The following ANO3 variants were observed in gnomAD, a reference collection of about 807,000 sequenced individuals.
ANO3 encodes anoctamin-3.
A neutral mutation model predicts 144.8 loss-of-function variants in ANO3; 99 were observed. The observed-to-expected ratio is 0.68, with a 90% confidence interval of 0.58 to 0.81. The LOEUF (loss-of-function observed/expected upper bound fraction) is 0.81, where lower values mean the gene tolerates loss of function less well. ANO3 is among the 30% of genes least tolerant of loss of function. ANO3 has a pLI of 0.00. For synonymous variants in ANO3, 414 were observed against 392.6 expected (o/e 1.05, Z -0.64); for missense variants, 905 against 1,202.2 (o/e 0.75, Z 3.66).
chr11:26,231,758 C>T (rs984414467), intron 1 of ANO3, among the ~76,000 whole-genome samples: 8 of 152,148 alleles, frequency 5.3e-5, no homozygotes, highest in South Asian at 4.1e-4. Flanking sequence ...GCAAGGAATG[C>T]GTCTACGAAT....
intron 6 of ANO3, among the ~76,000 whole-genome samples, chr11:26,517,820 A>G (rs1861917216): frequency 1.3e-5 from 2 of 152,110 alleles, no homozygotes; most frequent in Non-Finnish European, 2.9e-5. Flanking sequence ...ACAGTATTCA[A>G]CGTAAAATGT....
intron 1 of ANO3, among the ~76,000 whole-genome samples, chr11:26,237,207 T>G (rs1291936845): frequency 3.9e-5 from 6 of 152,190 alleles, no homozygotes; most frequent in Non-Finnish European, 5.9e-5. Context: ...TGCTGTACAC[T>G]GTTAGGATTA....
intron 1 of ANO3, among the ~76,000 whole-genome samples, chr11:26,377,103 A>T (rs1279040464): frequency 1.3e-5 from 2 of 152,176 alleles, no homozygotes; most frequent in Non-Finnish European, 2.9e-5. Context: ...CACTTGAAAG[A>T]AAACAAAAAT....
chr11:26,542,297 A>G (rs1488966698), intron 11 of ANO3, among the ~76,000 whole-genome samples: 1 of 152,106 alleles, frequency 6.6e-6, no homozygotes, highest in Non-Finnish European at 1.5e-5. Context: ...GAGCAACAGC[A>G]AAAAATTACT....
intron 1 of ANO3, among the ~76,000 whole-genome samples, chr11:26,265,193 T>G (rs1853282904): frequency 6.6e-6 from 1 of 152,208 alleles, no homozygotes; most frequent in Non-Finnish European, 1.5e-5. Context: ...AGAACTAACT[T>G]TAGCATCATC....
intron 17 of ANO3, among the ~76,000 whole-genome samples, chr11:26,606,356 C>T (rs1434692574): frequency 6.6e-6 from 1 of 152,006 alleles, no homozygotes; most frequent in Non-Finnish European, 1.5e-5. Context: ...ATTATGTGGT[C>T]AATTTTAGAA....
intron 6 of ANO3, among the ~76,000 whole-genome samples, chr11:26,523,712 T>C (rs1216240949): frequency 6.6e-6 from 1 of 152,228 alleles, no homozygotes; most frequent in African/African-American, 2.4e-5. Context: ...AAAAAGTATT[T>C]ATATTCATTT....
chr11:26,350,497 A>G (rs960310404), intron 1 of ANO3, among the ~76,000 whole-genome samples: 1 of 152,220 alleles, frequency 6.6e-6, no homozygotes, highest in African/African-American at 2.4e-5. Context: ...ACCTGCAACA[A>G]TTTGTTTAAA....
At chr11:26,495,786 A>G (rs753660488) in intron 4 of ANO3, among the ~76,000 whole-genome samples, 4 of 152,230 alleles carry the variant, frequency 2.6e-5, no homozygotes, top group Non-Finnish European at 5.9e-5. Flanking sequence ...CAATACATTT[A>G]TCATCAGATC....
intron 1 of ANO3, among the ~76,000 whole-genome samples, chr11:26,273,104 C>A (rs2133837627): frequency 6.6e-6 from 1 of 152,252 alleles, no homozygotes; most frequent in African/African-American, 2.4e-5. Flanking sequence ...CACCAGCTGC[C>A]AGTCTTTTCG....
intron 18 of ANO3, among the ~76,000 whole-genome samples, chr11:26,625,195 G>A (rs1369228445): frequency 1.3e-5 from 2 of 152,178 alleles, no homozygotes; most frequent in Non-Finnish European, 2.9e-5. Context: ...AAAATGCTGG[G>A]ATTACAGGCG....
intron 17 of ANO3, among the ~76,000 whole-genome samples, chr11:26,600,860 T>C (rs1432762913): frequency 2.0e-5 from 3 of 152,082 alleles, no homozygotes; most frequent in African/African-American, 7.2e-5. Context: ...AGTATTTTTA[T>C]GTGCTAGTTA....
At chr11:26,427,479 T>A (rs1857952308) in intron 1 of ANO3, 1 of 152,170 alleles carries the variant, frequency 6.6e-6, no homozygotes, top group African/African-American at 2.4e-5. Context: ...TGGAACCTCT[T>A]GCTTTTGCTG....
intron 11 of ANO3, among the ~76,000 whole-genome samples, chr11:26,546,245 G>T (rs1849785259): frequency 1.3e-5 from 2 of 151,836 alleles, no homozygotes; most frequent in South Asian, 2.1e-4. Context: ...TATGAGAAAT[G>T]AATGTTCTAT....
intron 1 of ANO3, among the ~76,000 whole-genome samples, chr11:26,322,336 T>A (rs1854779446): frequency 6.6e-6 from 1 of 152,136 alleles, no homozygotes; most frequent in Admixed American, 6.5e-5. Flanking sequence ...AATATTTGTA[T>A]GTTTGTTACA....
intron 6 of ANO3, among the ~76,000 whole-genome samples, chr11:26,523,589 CTTAAG>C (rs1862173611): frequency 1.3e-5 from 2 of 152,060 alleles, no homozygotes; most frequent in Admixed American, 1.3e-4. Flanking sequence ...GGCAAGTTTT[CTTAAG>C]TTAATGCTCT....
intron 1 of ANO3, among the ~76,000 whole-genome samples, chr11:26,245,957 G>A (rs1852781886): frequency 6.6e-6 from 1 of 152,208 alleles, no homozygotes; most frequent in Admixed American, 6.5e-5. Context: ...CCTGCAGTAT[G>A]AGTTCACTTA....
intron 1 of ANO3, among the ~76,000 whole-genome samples, chr11:26,384,545 C>T (rs1270024958): frequency 6.6e-6 from 1 of 152,156 alleles, no homozygotes; most frequent in Non-Finnish European, 1.5e-5. Context: ...TCTAAGTGCT[C>T]AAGGCCCAAT....
chr11:26,463,271 C>G, intron 4 of ANO3, 123 bp downstream of exon 4: 1 of 486,740 alleles, frequency 2.1e-6, no homozygotes, highest in Non-Finnish European at 3.7e-6. Flanking sequence ...TTAATATGTA[C>G]TATTAAGAAC....
Sources: gnomAD v4.1 joint callset for allele counts (sites outside exome capture counted in the v4.1 genomes callset) on GRCh38, gnomAD v4.1.1 for gene constraint, MANE v1.5 for transcripts, NCBI Gene and HGNC (gene_info 2026-07-23, HGNC 2026-07-21) for gene names.